EDEM1: variants seen among roughly 807,000 people sequenced by gnomAD.
The protein encoded by EDEM1 is ER degradation-enhancing alpha-mannosidase-like protein 1.
In EDEM1, 67 loss-of-function variants were observed where a neutral mutation model predicts 74.4. The ratio of observed to expected loss-of-function variants is 0.90; its 90% CI spans 0.74 to 1.10. The LOEUF is 1.10. Among genes scored for constraint, EDEM1 ranks in the 50% least tolerant of loss-of-function variants. EDEM1 has a pLI of 0.00. For missense variants in EDEM1, 926 were observed against 851.6 expected (o/e 1.09, Z -1.09); for synonymous variants, 382 against 335.9 (o/e 1.14, Z -1.50).
chr3:5,199,129 A>T (rs931213109), intron 2 of EDEM1, among the ~76,000 whole-genome samples: 2 of 152,250 alleles, frequency 1.3e-5, no homozygotes, highest in Non-Finnish European at 2.9e-5. Context: ...CAACAAGTTC[A>T]TTCAGTTTTC....
chr3:5,202,824 C>T (rs2055049313), intron 4 of EDEM1, 142 bp from the exon 5 acceptor site: 1 of 635,900 alleles, frequency 1.6e-6, no homozygotes. Context: ...GTATTCACCT[C>T]AGATGTATCT....
chr3:5,193,294 G>A (rs925468332), intron 1 of EDEM1, among the ~76,000 whole-genome samples: 2 of 152,198 alleles, frequency 1.3e-5, no homozygotes, highest in South Asian at 2.1e-4. Flanking sequence ...ACATTCTTGA[G>A]TTGGCAGAAT....
In EDEM1 at chr3:5,207,243, C is replaced by T; in HGVS notation, c.1308C>T (p.Asp436=). 6.2e-7 allele frequency: 1 copy of T among 1,614,180 alleles called. No individual in the cohort carries two copies. The highest frequency in any genetic ancestry group is 8.5e-7 in the Non-Finnish European group (1 of 1,180,008). ...GGCAGCTGATGAACACCTGGATTGA[C>T]TCTCTGCAGGCCTTTTTCCCTGGAC... ...FSGQLMNTWI[D]SLQAFFPGLQ... is the part of the protein sequence containing the mutation. Residue 436 remains aspartate, a synonymous_variant, in exon 7 of 12, where the codon GAC becomes GAT. Coordinates refer to ENST00000256497, the MANE Select transcript of EDEM1 (RefSeq NM_014674.3).
intron 7 of EDEM1, among the ~76,000 whole-genome samples, chr3:5,207,705 A>C (rs341980): frequency 0.069 from 10,484 of 152,002 alleles, 670 homozygotes; most frequent in African/African-American, 0.17. Flanking sequence ...ACGGGGTTTC[A>C]CTGTGTTGTC....
At chr3:5,194,515 C>T (rs2054938811) in intron 1 of EDEM1, among the ~76,000 whole-genome samples, 1 of 152,126 alleles carries the variant, frequency 6.6e-6, no homozygotes, top group Non-Finnish European at 1.5e-5. Context: ...AAGGTTGTTT[C>T]AGAATGGAAA....
chr3:5,197,372 A>C (rs994939822), intron 2 of EDEM1, among the ~76,000 whole-genome samples: 5 of 152,212 alleles, frequency 3.3e-5, no homozygotes, highest in Non-Finnish European at 1.5e-5. Context: ...ACAGTCAAAC[A>C]AACAAACCCA....
At chr3:5,200,138 G>A (rs547503657) in intron 3 of EDEM1, among the ~76,000 whole-genome samples, 1 of 152,164 alleles carries the variant, frequency 6.6e-6, no homozygotes, top group East Asian at 1.9e-4. Context: ...CACCATGTTG[G>A]CCAGGCTGGT....
In EDEM1 at chr3:5,199,676, G is replaced by A. The variant is rs992642011; in HGVS notation, c.667G>A (p.Val223Ile). 10 of 1,613,388 alleles carry A rather than the reference G, an allele frequency of 6.2e-6. No individual in the cohort carries two copies. The highest frequency in any genetic ancestry group is 1.7e-5 in the Admixed American group (1 of 59,902). ...VSFDKDSTVQ[V>I]FEATIRVLGS... Reference sequence around the variant, plus strand: ...ATTTGACAAAGATTCCACCGTCCAAGTCTTTGAGGCCACGATAAGGTAAAA... The same window carrying A: ...ATTTGACAAAGATTCCACCGTCCAAATCTTTGAGGCCACGATAAGGTAAAA... Residue 223 changes from valine (V) to isoleucine (I), a missense_variant, in exon 3 of 12, where the codon GTC becomes ATC. Physicochemically the swap from Val to Ile is conservative, Grantham distance 29. Coordinates refer to ENST00000256497, the MANE Select transcript of EDEM1 (RefSeq NM_014674.3).
At chr3:5,211,307 T>A in intron 10 of EDEM1, 91 bp downstream of exon 10, 6 of 1,224,084 alleles carry the variant, frequency 4.9e-6, no homozygotes, top group Non-Finnish European at 7.1e-6. Flanking sequence ...ACTTACTGGC[T>A]AAAGCTATGT....
At position 5,208,231 on chromosome 3, in the gene EDEM1, G is replaced by T. The variant is rs139708132; in HGVS notation, c.1477G>T (p.Glu493Ter). The change falls in exon 8 of 12, where the codon GAG becomes TAG. Residue 493 changes from glutamate to a stop codon, truncating the protein, a stop_gained. Coordinates refer to ENST00000256497, the MANE Select transcript of EDEM1 (RefSeq NM_014674.3). LOFTEE classifies it high-confidence loss of function. ...PDVLFYPLRP[E>*]LVESTYLLYQ... ...CGTTCTCTTCTACCCACTGAGACCAGAGTTAGTGGAATCCACATATCTCCT... is the reference window on the plus strand; with the variant it reads ...CGTTCTCTTCTACCCACTGAGACCATAGTTAGTGGAATCCACATATCTCCT... The T allele has an allele frequency of 6.2e-6, 10 of 1,612,850 alleles. No individual in the cohort carries two copies. The highest frequency in any genetic ancestry group is 8.5e-6 in the Non-Finnish European group (10 of 1,179,722).
chr3:5,204,991 AG>A, intron 5 of EDEM1, 75 bp from the exon 6 acceptor site: 1 of 1,520,170 alleles, frequency 6.6e-7, no homozygotes, highest in Non-Finnish European at 9.0e-7. Flanking sequence ...GTGTGGTTGG[AG>A]TAGGAGGCCT....
intron 8 of EDEM1, among the ~76,000 whole-genome samples, chr3:5,209,100 G>A (rs2055136355): frequency 6.6e-6 from 1 of 152,294 alleles, no homozygotes; most frequent in Admixed American, 6.5e-5. Context: ...AACTCTGGTA[G>A]TGGAGCTAAC....
Position 5,217,073 on chromosome 3 carries a change from C to T in EDEM1, c.*1155C>T, listed in dbSNP as rs2055246157. ...TTTGGGGCACTGGATGTCGCAGCTA[C>T]TGCTATGGTTTCAGGAGGCCTGTTT... On this transcript the variant is annotated 3_prime_UTR_variant, in exon 12 of 12. Transcript: ENST00000256497. The T allele has an allele frequency of 6.6e-6, 1 of 152,666 alleles. No individual in the cohort carries two copies. Among genetic ancestry groups the T allele is most frequent in the East Asian group, 1.9e-4 (1 of 5,200 alleles). The allele number at this position is 152,666 out of a possible 1,614,324, so 9.5% of individuals were successfully genotyped here. A position where few individuals can be genotyped will look rare whatever the true frequency, so the allele number is the denominator to read the frequency against.
intron 10 of EDEM1, 111 bp downstream of exon 10, chr3:5,211,327 T>C: frequency 9.6e-7 from 1 of 1,037,044 alleles, no homozygotes; most frequent in Admixed American, 2.0e-5. Flanking sequence ...TGCTGGACAT[T>C]GTGCATTCCC....
chr3:5,198,123 C>T (rs902990839), intron 2 of EDEM1, among the ~76,000 whole-genome samples: 1 of 151,934 alleles, frequency 6.6e-6, no homozygotes, highest in African/African-American at 2.4e-5. Context: ...CGGCTCACTG[C>T]ACCCTCCACC....
chr3:5,205,830 C>A (rs1376886051), intron 6 of EDEM1, among the ~76,000 whole-genome samples: 1 of 151,888 alleles, frequency 6.6e-6, no homozygotes, highest in East Asian at 1.9e-4. Flanking sequence ...CCATTAGTCA[C>A]CCAGATCAAA....
chr3:5,199,772 CTT>C (rs745314513), intron 3 of EDEM1, 77 bp downstream of exon 3: 28 of 1,209,418 alleles, frequency 2.3e-5, no homozygotes, highest in Non-Finnish European at 3.3e-5. Context: ...CTTTGAGGGT[CTT>C]TTTGCCACAT....
At position 5,219,911 on chromosome 3, in the gene EDEM1, T is replaced by C. The variant is rs1053932756; in HGVS notation, c.*3993T>C. On this transcript the variant is annotated 3_prime_UTR_variant, in exon 12 of 12. Transcript: ENST00000256497. Reference sequence around the variant, plus strand: ...AAGGAATATCTTGCTCTTTAAAATTTATTAGGATTTTTATGAGTAATTTTT... The same window carrying C: ...AAGGAATATCTTGCTCTTTAAAATTCATTAGGATTTTTATGAGTAATTTTT... 1 of 152,626 alleles carries C rather than the reference T, an allele frequency of 6.6e-6. No homozygotes were observed. The highest frequency in any genetic ancestry group is 1.9e-4 in the East Asian group (1 of 5,198). The allele number at this position is 152,626 out of a possible 1,614,324, so 9.5% of individuals were successfully genotyped here.
chr3:5,194,053 C>T (rs1238929399), intron 1 of EDEM1, among the ~76,000 whole-genome samples: 2 of 152,172 alleles, frequency 1.3e-5, no homozygotes, highest in African/African-American at 2.4e-5. Context: ...CTTTCAGAGA[C>T]CACAGCAAGC....
Sources: gnomAD v4.1 joint callset for allele counts (sites outside exome capture counted in the v4.1 genomes callset) on GRCh38, gnomAD v4.1.1 for gene constraint, MANE v1.5 for transcripts, NCBI Gene and HGNC (gene_info 2026-07-23, HGNC 2026-07-21) for gene names.